Variants in HELZ observed in about 807,000 individuals in gnomAD.
HELZ encodes helicase with zinc finger, also known as ATP-dependent RNA helicase with zinc finger domain.
HELZ carries 23 observed loss-of-function variants against 218.2 expected under a neutral mutation model. The observed-to-expected ratio is 0.11, with a 90% CI of 0.08 to 0.15. The LOEUF (loss-of-function observed/expected upper bound fraction) is 0.15, where lower values mean the gene tolerates loss of function less well. HELZ is among the 10% of genes least tolerant of loss of function. The pLI is 1.00. For synonymous variants in HELZ, 814 were observed against 829.4 expected, an observed-to-expected ratio of 0.98 and a Z score of 0.32; for missense variants, 1,813 against 2,353.7, an observed-to-expected ratio of 0.77 and a Z score of 4.75.
intron 32 of HELZ, 36 bp from the exon 33 acceptor site, chr17:67,078,622 G>T: frequency 1.4e-6 from 2 of 1,405,132 alleles, no homozygotes; most frequent in South Asian, 3.4e-5. Context: ...ATTTAAGGAT[G>T]AGCCCAGCAA....
At chr17:67,169,214 G>A (rs1303460919) in intron 13 of HELZ, among the ~76,000 whole-genome samples, 2 of 152,146 alleles carry the variant, frequency 1.3e-5, no homozygotes, top group African/African-American at 2.4e-5. Flanking sequence ...AGAAATGGTG[G>A]CAACATTTTC....
At chr17:67,171,154 A>G (rs1264463640) in intron 13 of HELZ, among the ~76,000 whole-genome samples, 2 of 150,652 alleles carry the variant, frequency 1.3e-5, no homozygotes, top group East Asian at 3.9e-4. Context: ...GCTGCTCTCC[A>G]TCTCCCATCT....
chr17:67,081,299 C>G (rs2036181875), intron 32 of HELZ, among the ~76,000 whole-genome samples: 2 of 152,144 alleles, frequency 1.3e-5, no homozygotes, highest in Admixed American at 1.3e-4. Flanking sequence ...ACTTTGGGGT[C>G]TCTTTGGGAC....
At chr17:67,238,282 G>A (rs1159248123) in intron 3 of HELZ, among the ~76,000 whole-genome samples, 1 of 150,500 alleles carries the variant, frequency 6.6e-6, no homozygotes, top group Non-Finnish European at 1.5e-5. Context: ...GGGAGGCAGA[G>A]GTTGCAGTGA....
intron 17 of HELZ, among the ~76,000 whole-genome samples, chr17:67,154,895 G>GA (rs944841633): frequency 1.3e-5 from 2 of 152,034 alleles, no homozygotes; most frequent in African/African-American, 2.4e-5. Context: ...AGTTAATCAT[G>GA]AAAAAAATCC....
intron 4 of HELZ, among the ~76,000 whole-genome samples, chr17:67,216,172 A>AC (rs769096896): frequency 1.3e-5 from 2 of 151,928 alleles, no homozygotes; most frequent in Non-Finnish European, 2.9e-5. Flanking sequence ...ACCTTCTCTA[A>AC]CCCTAACTCA....
At chr17:67,196,508 A>C (rs1324978901) in intron 7 of HELZ, among the ~76,000 whole-genome samples, 1 of 152,098 alleles carries the variant, frequency 6.6e-6, no homozygotes, top group East Asian at 1.9e-4. Flanking sequence ...GCACATAATA[A>C]TGGGTGCTCA....
chr17:67,133,279 T>C (rs2038043215), intron 23 of HELZ, among the ~76,000 whole-genome samples: 1 of 152,126 alleles, frequency 6.6e-6, no homozygotes, highest in Non-Finnish European at 1.5e-5. Context: ...AGCTTTGAAG[T>C]TAAAAATTAG....
chr17:67,215,242 T>TAGG (rs2040565721), intron 5 of HELZ, among the ~76,000 whole-genome samples: 1 of 152,216 alleles, frequency 6.6e-6, no homozygotes, highest in Non-Finnish European at 1.5e-5. Context: ...AAAGACATTT[T>TAGG]AGGAGGGACA....
At chr17:67,227,169 A>C (rs2040915383) in intron 3 of HELZ, among the ~76,000 whole-genome samples, 1 of 152,086 alleles carries the variant, frequency 6.6e-6, no homozygotes, top group South Asian at 2.1e-4. Flanking sequence ...ATTATTTTTA[A>C]AATATGACCT....
Position 67,188,217 on chromosome 17 carries a change from A to C in HELZ, c.1162+102T>G. 1 of 1,109,572 alleles carries C rather than the reference A, an allele frequency of 9.0e-7. No homozygotes were observed. Among genetic ancestry groups the C allele is most frequent in the South Asian group, 1.6e-5 (1 of 64,336 alleles). The allele number at this position is 1,109,572 out of a possible 1,614,324, so 68.7% of individuals were successfully genotyped here. ...TTAAGTTGGGATTTTTTTCTTTATTACTATTCTCTTCCTATCCATGGAATA... is the reference window on the plus strand; with the variant it reads ...TTAAGTTGGGATTTTTTTCTTTATTCCTATTCTCTTCCTATCCATGGAATA... On this transcript the variant is annotated intron_variant, in intron 12 of 32. Coordinates refer to ENST00000358691, the MANE Select transcript of HELZ (RefSeq NM_014877.4). The surrounding 1 kb of genome is among the most constrained non-coding windows in gnomAD (Gnocchi z 4.1).
rs757830743 is a variant in HELZ at position 67,128,709 on chromosome 17, C to T, written c.3329G>A (p.Arg1110Gln). 5.6e-6 allele frequency: 9 copies of T among 1,613,938 alleles called. No homozygotes were observed. Among genetic ancestry groups the T allele is most frequent in the Admixed American group, 3.3e-5 (2 of 59,974 alleles). ...TCCTGAATGCTGCAGTCTTAGAGCC[C>T]GGGGGATAAATTCAGGTGCCAGCGG... ...LNPLAPEFIP[R>Q]ALRLQHSGST... Residue 1110 changes from arginine to glutamine, a missense_variant, in exon 24 of 33, where the codon CGG becomes CAG. This residue lies in a region of HELZ where 156 missense variants were observed against 274.4 expected (regional missense o/e 0.57). Transcript: ENST00000358691.
In HELZ at chr17:67,145,782, T is replaced by C; in HGVS notation, c.2730A>G (p.Val910=). 1 of 1,612,758 alleles carries C rather than the reference T, an allele frequency of 6.2e-7. No individual in the cohort carries two copies. Among genetic ancestry groups the C allele is most frequent in the Non-Finnish European group, 8.5e-7 (1 of 1,178,962 alleles). Residue 910 remains valine, a synonymous_variant, in exon 21 of 33, where the codon GTA becomes GTG. Transcript: ENST00000358691. ...AAAAAGCTGTGCTATTTTTTTCTTG[T>C]ACATCTTCTCCTCGTGCTGTAAAGA... ...LTFFTARGED[V]QEKNSTAFYN...
In HELZ at chr17:67,138,052, C is replaced by T; in HGVS notation, c.2832G>A (p.Lys944=). 6.2e-7 allele frequency: 1 copy of T among 1,613,918 alleles called. No individual in the cohort carries two copies. Among genetic ancestry groups the T allele is most frequent in the Non-Finnish European group, 8.5e-7 (1 of 1,179,878 alleles). The change falls in exon 22 of 33, where the codon AAG becomes AAA. Residue 944 remains lysine (K), a synonymous_variant. Transcript: ENST00000358691. ...CCACACCAATACTGCCATCATCTAA[C>T]TTCCCCCACGCTACTGGCCACTTCC... The part of the protein sequence containing the change: ...LRRKWPVAWG[K]LDDGSIGVVT...
intron 17 of HELZ, among the ~76,000 whole-genome samples, chr17:67,158,662 G>A (rs2038911142): frequency 6.6e-6 from 1 of 151,870 alleles, no homozygotes; most frequent in Admixed American, 6.6e-5. Context: ...TTCCATCTTG[G>A]GCTGAACCAC....
rs2036018453 is a variant in HELZ at position 67,076,351 on chromosome 17, T to C, written c.*1901A>G. The C allele has an allele frequency of 6.6e-6, 1 of 152,206 alleles. No individual in the cohort carries two copies. Among genetic ancestry groups the C allele is most frequent in the South Asian group, 2.1e-4 (1 of 4,830 alleles). The allele number at this position is 152,206 out of a possible 1,614,324, so 9.4% of individuals were successfully genotyped here. On this transcript the variant is annotated 3_prime_UTR_variant, in exon 33 of 33. Coordinates refer to ENST00000358691, the MANE Select transcript of HELZ (RefSeq NM_014877.4). ...CCTACTAAAGAATGTTGAGTAAAAT[T>C]TGACATTGCTAAATGTGGTGATCTG...
chr17:67,200,446 A>G (rs2040139540), intron 7 of HELZ, among the ~76,000 whole-genome samples: 2 of 152,158 alleles, frequency 1.3e-5, no homozygotes, highest in South Asian at 4.1e-4. Context: ...TTTAAAAAAG[A>G]CAAAAAGAAG....
chr17:67,215,851 C>G, intron 5 of HELZ, 48 bp downstream of exon 5: 1 of 1,276,726 alleles, frequency 7.8e-7, no homozygotes, highest in Non-Finnish European at 1.1e-6. Context: ...AAAATCAAAC[C>G]TTAAACATTG....
chr17:67,227,414 CTT>C (rs2040923608), intron 3 of HELZ, among the ~76,000 whole-genome samples: 1 of 152,128 alleles, frequency 6.6e-6, no homozygotes, highest in Non-Finnish European at 1.5e-5. Flanking sequence ...ATCTTGATCT[CTT>C]GACCTCATGA....
Sources: allele counts gnomAD v4.1 joint callset (sites outside exome capture counted in the v4.1 genomes callset), GRCh38; gene constraint gnomAD v4.1.1; regional missense constraint gnomAD v4.1.1; non-coding constraint Gnocchi (gnomAD v3.1); transcripts MANE v1.5; gene names NCBI Gene and HGNC (gene_info 2026-07-23, HGNC 2026-07-21).